Variants in CDH4 observed in about 807,000 individuals in gnomAD.
CDH4 encodes the protein cadherin 4.
CDH4 carries 33 observed loss-of-function variants against 86.0 expected under a neutral mutation model. The observed-to-expected ratio is 0.38, with a 90% CI of 0.29 to 0.51. The LOEUF is 0.51. Among genes scored for constraint, CDH4 ranks in the 20% least tolerant of loss-of-function variants. CDH4 has a pLI of 0.86. For synonymous variants in CDH4, 555 were observed against 549.4 expected, an observed-to-expected ratio of 1.01 and a Z score of -0.14; for missense variants, 1,114 against 1,307.4, an observed-to-expected ratio of 0.85 and a Z score of 2.28.
chr20:61,743,882 G>T, intron 3 of CDH4, 93 bp downstream of exon 3: 2 of 946,832 alleles, frequency 2.1e-6, no homozygotes, highest in South Asian at 2.9e-5. Flanking sequence ...GCTCCCACAG[G>T]ACAGACAGTC....
Position 61,313,299 on chromosome 20 carries a change from A to T in CDH4, c.169+58362A>T, listed in dbSNP as rs548576954. Among the ~76,000 whole-genome samples, 24 of 152,270 alleles carry T rather than the reference A, an allele frequency of 1.6e-4. No homozygotes were observed. The South Asian group carries it at 2.3e-3, about 14-fold the overall frequency. On this transcript the variant is annotated intron_variant, in intron 2 of 15. Transcript: ENST00000614565. ...CACCAGCAAAGGGAAGAGCCCGGAG[A>T]CCCAGAAGCAGCAGGGAGGGTTCTG... is the stretch of plus-strand genomic sequence containing the variant.
intron 2 of CDH4, among the ~76,000 whole-genome samples, chr20:61,652,934 A>ATTTTTTTTTTTTTTTTTTTTTT (rs1378064808): frequency 1.3e-4 from 13 of 103,072 alleles, no homozygotes; most frequent in Non-Finnish European, 2.0e-4. Flanking sequence ...TTATTTATTT[A>ATTTTTTTTTTTTTTTTTTTTTT]TTTATTTTTT....
rs142087891 is a variant in CDH4, at chr20:61,819,282, C to T, written c.577-25386C>T. Among the ~76,000 whole-genome samples, 17 of 152,350 alleles carry T rather than the reference C, an allele frequency of 1.1e-4. No homozygotes were observed. In the East Asian group the frequency reaches 3.3e-3, roughly 29 times the overall value. Reference sequence around the variant, plus strand: ...GCAGGGCAGCTGAACCGGTGCTGGCCCAGAAACTGCCCCCTTCTAAGAAAG... The same window carrying T: ...GCAGGGCAGCTGAACCGGTGCTGGCTCAGAAACTGCCCCCTTCTAAGAAAG... On this transcript the variant is annotated intron_variant, in intron 4 of 15. Coordinates refer to ENST00000614565, the MANE Select transcript of CDH4 (RefSeq NM_001794.5).
chr20:61,750,643 G>T (rs981902898), intron 3 of CDH4, among the ~76,000 whole-genome samples: 1 of 152,166 alleles, frequency 6.6e-6, no homozygotes, highest in African/African-American at 2.4e-5. Context: ...ACACACTGGA[G>T]GTACAAGCCA....
chr20:61,734,907 C>T (rs1486843838), intron 2 of CDH4, among the ~76,000 whole-genome samples: 1 of 152,212 alleles, frequency 6.6e-6, no homozygotes, highest in African/African-American at 2.4e-5. Context: ...AGGGCTGAGG[C>T]CCAGCGCAGA....
chr20:61,578,339 A>T (rs1391527203), intron 2 of CDH4, among the ~76,000 whole-genome samples: 3 of 152,134 alleles, frequency 2.0e-5, no homozygotes, highest in Admixed American at 1.3e-4. Context: ...AGGGTCTTTA[A>T]TTTTTTGCTT....
At chr20:61,268,505 C>T (rs1004181590) in intron 2 of CDH4, among the ~76,000 whole-genome samples, 11 of 152,186 alleles carry the variant, frequency 7.2e-5, no homozygotes, top group Non-Finnish European at 5.9e-5. Flanking sequence ...TTCTTGTTTT[C>T]TTCAGGGGGT....
At chr20:61,722,499 T>G (rs2088053600) in intron 2 of CDH4, among the ~76,000 whole-genome samples, 1 of 152,156 alleles carries the variant, frequency 6.6e-6, no homozygotes, top group Non-Finnish European at 1.5e-5. Flanking sequence ...AGGACCCAGG[T>G]GCATCCCCCC....
intron 2 of CDH4, among the ~76,000 whole-genome samples, chr20:61,648,448 A>G (rs1245267239): frequency 1.3e-5 from 2 of 152,154 alleles, no homozygotes; most frequent in African/African-American, 4.8e-5. Flanking sequence ...CTCAGGTCCA[A>G]CCGAGCTGGA....
intron 8 of CDH4, among the ~76,000 whole-genome samples, chr20:61,899,204 C>A (rs1288983873): frequency 1.3e-5 from 2 of 151,630 alleles, no homozygotes; most frequent in Non-Finnish European, 2.9e-5. Context: ...ACTCAAGAGG[C>A]TGAGGCAGAG....
intron 2 of CDH4, among the ~76,000 whole-genome samples, chr20:61,422,995 A>T (rs959644172): frequency 6.6e-6 from 1 of 152,118 alleles, no homozygotes; most frequent in Admixed American, 6.5e-5. Flanking sequence ...GAAGCTGAGG[A>T]GGTAAGATTT....
intron 1 of CDH4, among the ~76,000 whole-genome samples, chr20:61,253,688 G>T (rs1163790718): frequency 5.3e-5 from 8 of 152,190 alleles, no homozygotes; most frequent in African/African-American, 1.7e-4. Context: ...AGAGCTTTTC[G>T]TAAGGAATGA....
At chr20:61,597,539 A>T (rs1209693948) in intron 2 of CDH4, among the ~76,000 whole-genome samples, 1 of 152,220 alleles carries the variant, frequency 6.6e-6, no homozygotes, top group Non-Finnish European at 1.5e-5. Context: ...GTCCTGGGGC[A>T]TCAGGGCGAA....
intron 2 of CDH4, among the ~76,000 whole-genome samples, chr20:61,572,155 TG>T (rs2145706848): frequency 6.6e-6 from 1 of 152,262 alleles, no homozygotes; most frequent in South Asian, 2.1e-4. Context: ...CGTGGGGATC[TG>T]GGGGGCCTCT....
intron 2 of CDH4, among the ~76,000 whole-genome samples, chr20:61,594,151 G>C (rs1433506534): frequency 1.1e-5 from 1 of 90,742 alleles, no homozygotes; most frequent in African/African-American, 4.5e-5. Context: ...CTGGGGGGAA[G>C]AGGGTTGGGG....
rs1293044310 is a variant in CDH4 at position 61,701,232 on chromosome 20, T to C, written c.170-42331T>C. 3.3e-5 allele frequency among the ~76,000 whole-genome samples: 5 copies of C among 152,344 alleles called. No individual in the cohort carries two copies. The East Asian group carries it at 9.6e-4, about 29-fold the overall frequency. On this transcript the variant is annotated intron_variant, in intron 2 of 15. Transcript: ENST00000614565. Reference sequence around the variant, plus strand: ...CAGACATACAGGATTGGGACCCACCTTACTCCAATATGACCTCATCGCAAC... The same window carrying C: ...CAGACATACAGGATTGGGACCCACCCTACTCCAATATGACCTCATCGCAAC...
intron 2 of CDH4, among the ~76,000 whole-genome samples, chr20:61,526,316 A>G (rs2085909908): frequency 6.6e-6 from 1 of 152,140 alleles, no homozygotes; most frequent in Non-Finnish European, 1.5e-5. Flanking sequence ...GCAGAAGGAA[A>G]CGAAGCCCTT....
intron 2 of CDH4, among the ~76,000 whole-genome samples, chr20:61,554,790 T>A (rs2086162427): frequency 6.6e-6 from 1 of 152,266 alleles, no homozygotes; most frequent in Admixed American, 6.5e-5. Context: ...GAACATGTTT[T>A]CACACGTGCA....
chr20:61,421,190 T>C (rs1026923376), intron 2 of CDH4, among the ~76,000 whole-genome samples: 6 of 152,214 alleles, frequency 3.9e-5, no homozygotes, highest in Admixed American at 6.5e-5. Flanking sequence ...GGCCGATGTC[T>C]TCCCCTTGGC....
Sources: allele counts gnomAD v4.1 joint callset (sites outside exome capture counted in the v4.1 genomes callset), GRCh38; gene constraint gnomAD v4.1.1; transcripts MANE v1.5; gene names NCBI Gene and HGNC (gene_info 2026-07-23, HGNC 2026-07-21).